The following MCOLN3 variants were observed in gnomAD, a reference collection of about 807,000 sequenced individuals.
MCOLN3 encodes the protein mucolipin-3.
Under a neutral mutation model 69.4 loss-of-function variants are expected in MCOLN3, and 62 were observed. That is an observed-to-expected ratio of 0.89 (90% confidence interval 0.73 to 1.10). The LOEUF is 1.10. MCOLN3 is among the 50% of genes least tolerant of loss of function. The probability of loss-of-function intolerance (pLI) is 0.00; values close to 1 mark genes in which losing one functional copy is unlikely to be tolerated. For synonymous variants in MCOLN3, 183 were observed against 217.0 expected, an observed-to-expected ratio of 0.84 and a Z score of 1.38; for missense variants, 564 against 656.4, an observed-to-expected ratio of 0.86 and a Z score of 1.54.
At position 85,041,260 on chromosome 1, in the gene MCOLN3, C is replaced by T. The variant is rs367780505; in HGVS notation, c.229-83G>A. 14 of 1,092,234 alleles carry T rather than the reference C, an allele frequency of 1.3e-5. No homozygotes were observed. In the East Asian group the frequency reaches 3.5e-4, roughly 27 times the overall value. 67.7% of individuals were successfully genotyped at this position (1,092,234 alleles called of 1,614,324 possible). A position where few individuals can be genotyped will look rare whatever the true frequency, so the allele number is the denominator to read the frequency against. ...GCAGAAGGTACAGGGGCTTGAACAACAAATAGAAGAGTTTAAAATGAATTC... is the reference window on the plus strand; with the variant it reads ...GCAGAAGGTACAGGGGCTTGAACAATAAATAGAAGAGTTTAAAATGAATTC... On this transcript the variant is annotated intron_variant, in intron 2 of 12. Transcript: ENST00000370589.
chr1:85,023,605 C>T (rs939958775), intron 9 of MCOLN3: 7 of 152,154 alleles, frequency 4.6e-5, no homozygotes, highest in Non-Finnish European at 8.8e-5. Context: ...AAGCAGACAT[C>T]CAAGTGGAGA....
chr1:85,038,903 G>A lies in MCOLN3; in HGVS notation c.396+2107C>T, dbSNP rs1450589040. Among the ~76,000 whole-genome samples, 3 of 152,160 alleles carry A rather than the reference G, an allele frequency of 2.0e-5. No homozygotes were observed. The East Asian group carries it at 5.8e-4, about 29-fold the overall frequency. ...CCAGCTACTCAGGAGGCTGAGATGG[G>A]AGAATTGCTTGAGCGCAGGAGGCAG... On this transcript the variant is annotated intron_variant, in intron 3 of 12. Coordinates refer to ENST00000370589, the MANE Select transcript of MCOLN3 (RefSeq NM_018298.11).
intron 3 of MCOLN3, among the ~76,000 whole-genome samples, chr1:85,035,635 A>G (rs1652765481): frequency 6.6e-6 from 1 of 152,126 alleles, no homozygotes; most frequent in African/African-American, 2.4e-5. Context: ...CTGCAAAAGA[A>G]TCACTTAAAA....
At chr1:85,026,343 T>A in intron 7 of MCOLN3, 59 bp from the exon 8 acceptor site, 1 of 1,104,902 alleles carries the variant, frequency 9.1e-7, no homozygotes, top group Non-Finnish European at 1.4e-6. Flanking sequence ...TGGTGACATC[T>A]TCTTTTTAGA....
rs1651754973 is a variant in MCOLN3, at chr1:85,018,212, A to C, written c.*911T>G. The C allele has an allele frequency of 6.6e-6, 1 of 152,242 alleles. No homozygotes were observed. Among genetic ancestry groups the C allele is most frequent in the Non-Finnish European group, 1.5e-5 (1 of 68,040 alleles). The allele number at this position is 152,242 out of a possible 1,614,324, so 9.4% of individuals were successfully genotyped here. On this transcript the variant is annotated 3_prime_UTR_variant, in exon 13 of 13. Coordinates refer to ENST00000370589, the MANE Select transcript of MCOLN3 (RefSeq NM_018298.11). The stretch of plus-strand genomic sequence containing the variant: ...CCTGATCCTCTTAAGAACTAAAAGC[A>C]GAATCAAGTAACAGTTGGCTTTCAT...
chr1:85,044,945 A>T (rs1403026836), intron 2 of MCOLN3, among the ~76,000 whole-genome samples, 188 bp downstream of exon 2: 1 of 152,220 alleles, frequency 6.6e-6, no homozygotes, highest in Non-Finnish European at 1.5e-5. Flanking sequence ...GAAAAAAACT[A>T]AGAAAAAAGA....
At position 85,026,091 on chromosome 1, in the gene MCOLN3, T is replaced by C; in HGVS notation, c.946-3A>G. On this transcript the variant is annotated splice_region_variant and splice_polypyrimidine_tract_variant and intron_variant, in intron 8 of 12. Coordinates refer to ENST00000370589, the MANE Select transcript of MCOLN3 (RefSeq NM_018298.11). The stretch of plus-strand genomic sequence containing the variant: ...AGGAGGAAAAAATTGACAAACTCCT[T>C]TAGGGAAAAGAGGGGAGGCACAGTG... 6.2e-7 allele frequency: 1 copy of C among 1,608,822 alleles called. No homozygotes were observed. Among genetic ancestry groups the C allele is most frequent in the Non-Finnish European group, 8.5e-7 (1 of 1,177,514 alleles).
intron 3 of MCOLN3, among the ~76,000 whole-genome samples, chr1:85,039,354 G>C (rs766252602): frequency 2.0e-5 from 3 of 152,166 alleles, no homozygotes; most frequent in Admixed American, 6.5e-5. Context: ...CTTATAAAAG[G>C]CTGGGAGAAA....
At chr1:85,031,383 T>C (rs1294774990) in intron 6 of MCOLN3, among the ~76,000 whole-genome samples, 1 of 151,032 alleles carries the variant, frequency 6.6e-6, no homozygotes, top group Admixed American at 6.6e-5. Flanking sequence ...AATAGAGGAG[T>C]AGATTTAGAA....
intron 2 of MCOLN3, among the ~76,000 whole-genome samples, chr1:85,043,332 G>A (rs547249844): frequency 6.6e-6 from 1 of 152,116 alleles, no homozygotes; most frequent in African/African-American, 2.4e-5. Flanking sequence ...AAGTTCAAGA[G>A]CAGCCTGGCC....
Position 85,018,795 on chromosome 1 carries a change from T to C in MCOLN3, c.*328A>G. The C allele has an allele frequency of 4.4e-6, 1 of 228,444 alleles. No homozygotes were observed. Among genetic ancestry groups the C allele is most frequent in the South Asian group, 6.7e-5 (1 of 14,846 alleles). The allele number at this position is 228,444 out of a possible 1,614,324, so 14.2% of individuals were successfully genotyped here. On this transcript the variant is annotated 3_prime_UTR_variant, in exon 13 of 13. Coordinates refer to ENST00000370589, the MANE Select transcript of MCOLN3 (RefSeq NM_018298.11). ...GGATTGTTTTCCACTAATTACACAGTCTGCACAATCAGAATAGCAGGAGCA... is the reference window on the plus strand; with the variant it reads ...GGATTGTTTTCCACTAATTACACAGCCTGCACAATCAGAATAGCAGGAGCA...
chr1:85,029,483 C>T (rs1652396376), intron 6 of MCOLN3: 2 of 272,240 alleles, frequency 7.3e-6, no homozygotes, highest in Non-Finnish European at 6.8e-6. Context: ...AAGAGCACTT[C>T]CTCTTGCTCT....
Sources: allele counts gnomAD v4.1 joint callset (sites outside exome capture counted in the v4.1 genomes callset), GRCh38; gene constraint gnomAD v4.1.1; transcripts MANE v1.5; gene names NCBI Gene and HGNC (gene_info 2026-07-23, HGNC 2026-07-21).